The following BEND6 variants were observed in gnomAD, a reference collection of about 807,000 sequenced individuals.
BEND6 encodes the protein BEN domain-containing protein 6.
In BEND6, 24 loss-of-function variants were observed where a neutral mutation model predicts 31.8. That is an observed-to-expected ratio of 0.75 (90% CI 0.55 to 1.06). BEND6 has a LOEUF of 1.06. Among genes scored for constraint, BEND6 ranks in the 50% least tolerant of loss-of-function variants. The pLI is 0.00. For synonymous variants in BEND6, 109 were observed against 114.6 expected (o/e 0.95, Z 0.31); for missense variants, 294 against 327.4 (o/e 0.90, Z 0.79).
At chr6:56,988,559 A>T (rs1338884373) in intron 2 of BEND6, among the ~76,000 whole-genome samples, 1 of 152,148 alleles carries the variant, frequency 6.6e-6, no homozygotes, top group Non-Finnish European at 1.5e-5. Flanking sequence ...GCCTCATGTC[A>T]ACTTTTATTT....
chr6:56,990,243 T>G (rs1826441512), intron 2 of BEND6, among the ~76,000 whole-genome samples: 1 of 149,680 alleles, frequency 6.7e-6, no homozygotes, highest in Non-Finnish European at 1.5e-5. Context: ...TTTGGGCCAC[T>G]CGCTTCTTTT....
chr6:57,009,943 C>T (rs73455821), intron 3 of BEND6: 1 of 151,938 alleles, frequency 6.6e-6, no homozygotes, highest in Non-Finnish European at 1.5e-5. Context: ...GGTAACCAAA[C>T]AGTTGATAAG....
chr6:56,975,272 G>T (rs1825832814), intron 1 of BEND6, among the ~76,000 whole-genome samples: 1 of 148,288 alleles, frequency 6.7e-6, no homozygotes, highest in Admixed American at 6.7e-5. Flanking sequence ...ATGTTAAGGG[G>T]GTTGTAAAAA....
chr6:57,016,658 TTCCC>T (rs760777916), intron 4 of BEND6, among the ~76,000 whole-genome samples: 24 of 152,202 alleles, frequency 1.6e-4, no homozygotes, highest in Non-Finnish European at 2.9e-4. Flanking sequence ...ACTTCAGATC[TTCCC>T]TCCCTCTTCT....
intron 3 of BEND6, chr6:57,004,865 T>G: frequency 1.6e-6 from 1 of 622,728 alleles, no homozygotes; most frequent in Non-Finnish European, 2.9e-6. Flanking sequence ...ACAAAGAAAT[T>G]AGCCAGACAT....
chr6:57,013,534 G>C (rs1355398033), intron 3 of BEND6, among the ~76,000 whole-genome samples: 5 of 152,150 alleles, frequency 3.3e-5, no homozygotes, highest in Admixed American at 3.3e-4. Flanking sequence ...TCATATGGTT[G>C]GTCTTTCTGG....
intron 1 of BEND6, among the ~76,000 whole-genome samples, chr6:56,962,871 A>G (rs1477745642): frequency 1.3e-5 from 2 of 152,192 alleles, no homozygotes; most frequent in African/African-American, 4.8e-5. Context: ...TCATTACTGA[A>G]TGGCTACCTT....
chr6:57,013,242 A>G (rs1272791822), intron 3 of BEND6, among the ~76,000 whole-genome samples: 2 of 152,218 alleles, frequency 1.3e-5, no homozygotes, highest in African/African-American at 4.8e-5. Flanking sequence ...ATAATTTGCT[A>G]TAATAGAAAA....
chr6:56,961,094 A>G (rs774089507), intron 1 of BEND6, among the ~76,000 whole-genome samples: 19 of 152,170 alleles, frequency 1.2e-4, no homozygotes, highest in Non-Finnish European at 2.6e-4. Flanking sequence ...ACCTTTCATT[A>G]GATTCTTAAT....
chr6:57,025,925 G>A (rs544178141), intron 6 of BEND6, among the ~76,000 whole-genome samples, 157 bp from the exon 7 acceptor site: 2 of 151,972 alleles, frequency 1.3e-5, no homozygotes, highest in African/African-American at 4.8e-5. Context: ...AAGCCAGCTT[G>A]CTTCTACACT....
intron 2 of BEND6, among the ~76,000 whole-genome samples, chr6:56,988,512 A>G (rs1826372003): frequency 6.6e-6 from 1 of 152,214 alleles, no homozygotes; most frequent in South Asian, 2.1e-4. Flanking sequence ...AATGTTTACT[A>G]TGTGCAATGC....
At chr6:56,976,323 G>A (rs1825874441) in intron 1 of BEND6, among the ~76,000 whole-genome samples, 1 of 151,122 alleles carries the variant, frequency 6.6e-6, no homozygotes, top group Non-Finnish European at 1.5e-5. Flanking sequence ...AGCCTCCCGA[G>A]TAGCTGGGAC....
intron 3 of BEND6, among the ~76,000 whole-genome samples, chr6:56,997,729 A>G (rs1826776270): frequency 6.6e-6 from 1 of 151,994 alleles, no homozygotes; most frequent in Non-Finnish European, 1.5e-5. Flanking sequence ...AATTTTTTGT[A>G]TTTTTAGTAG....
chr6:57,000,715 A>T (rs900966705), intron 3 of BEND6, among the ~76,000 whole-genome samples: 2 of 151,704 alleles, frequency 1.3e-5, no homozygotes, highest in African/African-American at 4.8e-5. Flanking sequence ...AGGAAAGAGC[A>T]GGTGTGTTGT....
intron 3 of BEND6, among the ~76,000 whole-genome samples, chr6:56,995,388 T>C (rs1201918150): frequency 6.6e-6 from 1 of 152,196 alleles, no homozygotes; most frequent in Non-Finnish European, 1.5e-5. Context: ...GATCCTTTAA[T>C]TTCATTGTAA....
At chr6:57,014,466 C>T in intron 3 of BEND6, 1 of 1,506,106 alleles carries the variant, frequency 6.6e-7, no homozygotes, top group Non-Finnish European at 8.9e-7. Flanking sequence ...CCTTAGGAAA[C>T]AAACTAGATA....
intron 2 of BEND6, among the ~76,000 whole-genome samples, chr6:56,986,051 T>C (rs1337298243): frequency 6.6e-6 from 1 of 152,202 alleles, no homozygotes; most frequent in African/African-American, 2.4e-5. Flanking sequence ...ACTAACAGAA[T>C]TATGGTATCA....
At chr6:57,008,564 T>A in intron 3 of BEND6, 1 of 244,954 alleles carries the variant, frequency 4.1e-6, no homozygotes, top group Non-Finnish European at 7.7e-6. Context: ...ACAGACACCA[T>A]CTCTTAAAAA....
chr6:57,012,054 G>A (rs1274800667), intron 3 of BEND6, among the ~76,000 whole-genome samples: 4 of 151,930 alleles, frequency 2.6e-5, no homozygotes, highest in Admixed American at 2.0e-4. Context: ...GAACCTGGGA[G>A]GCGGAGGTTG....
Sources: allele counts gnomAD v4.1 joint callset (sites outside exome capture counted in the v4.1 genomes callset), GRCh38; gene constraint gnomAD v4.1.1; transcripts MANE v1.5; gene names NCBI Gene and HGNC (gene_info 2026-07-23, HGNC 2026-07-21).